The following TRPM4 variants were observed in gnomAD, a reference collection of about 807,000 sequenced individuals.
The protein encoded by TRPM4 is transient receptor potential cation channel subfamily M member 4, also known as calcium-activated non-selective cation channel 1.
In TRPM4, 124 loss-of-function variants were observed where a neutral mutation model predicts 135.6. That is an observed-to-expected ratio of 0.91 (90% CI 0.79 to 1.06). The LOEUF is 1.06. Among genes scored for constraint, TRPM4 ranks in the 50% least tolerant of loss-of-function variants. The probability of loss-of-function intolerance (pLI) is 0.00; values close to 1 mark genes in which losing one functional copy is unlikely to be tolerated. For synonymous variants in TRPM4, 745 were observed against 705.6 expected (o/e 1.06, Z -0.88); for missense variants, 1,658 against 1,671.4 (o/e 0.99, Z 0.14).
chr19:49,200,567 G>T (rs1352056511), intron 18 of TRPM4, 44 bp from the exon 19 acceptor site: 1 of 1,606,722 alleles, frequency 6.2e-7, no homozygotes, highest in African/African-American at 1.3e-5. Context: ...GGTGGGGCCA[G>T]AGTAGGAAAG....
chr19:49,166,215 T>A lies in TRPM4; in HGVS notation c.267T>A (p.Asn89Lys). 1 of 1,600,522 alleles carries A rather than the reference T, an allele frequency of 6.2e-7. No homozygotes were observed. The highest frequency in any genetic ancestry group is 8.5e-7 in the Non-Finnish European group (1 of 1,174,890). The change falls in exon 3 of 25, where the codon AAT becomes AAA. Residue 89 changes from asparagine to lysine, a missense_variant and splice_region_variant. Physicochemically the swap from Asn to Lys is moderately conservative, Grantham distance 94. This residue lies in a region of TRPM4 where 239 missense variants were observed against 240.1 expected (regional missense o/e 1.00). Transcript: ENST00000252826. ...DFTGAGRKHSNFLRLSDRTDP... is the reference protein window; with the variant it reads ...DFTGAGRKHSKFLRLSDRTDP... ...CGGGGGCCGGCCGCAAGCACAGCAATGTGAGGCGGGCCTCTGTGGGCGGGG... is the reference window on the plus strand; with the variant it reads ...CGGGGGCCGGCCGCAAGCACAGCAAAGTGAGGCGGGCCTCTGTGGGCGGGG...
In TRPM4 at chr19:49,166,184, A is replaced by G. The variant is rs766569634; in HGVS notation, c.236A>G (p.Asp79Gly). Residue 79 changes from aspartate to glycine, a missense_variant, in exon 3 of 25, where the codon GAC becomes GGC. Physicochemically the swap from Asp to Gly is moderately conservative, Grantham distance 94. Coordinates refer to ENST00000252826, the MANE Select transcript of TRPM4 (RefSeq NM_017636.4). ...CCCACCGATGCCTACGGAGAGCTGG[A>G]CTTCACGGGGGCCGGCCGCAAGCAC... ...EKPTDAYGEL[D>G]FTGAGRKHSN... 1.2e-6 allele frequency: 2 copies of G among 1,608,624 alleles called. No homozygotes were observed. The highest frequency in any genetic ancestry group is 2.2e-5 in the East Asian group (1 of 44,628).
intron 12 of TRPM4, among the ~76,000 whole-genome samples, chr19:49,186,548 G>C (rs910830918): frequency 6.6e-6 from 1 of 152,148 alleles, no homozygotes; most frequent in Non-Finnish European, 1.5e-5. Flanking sequence ...CCTTGCCTCA[G>C]ATGGATGTGG....
At chr19:49,165,227 C>G (rs1487712153) in intron 2 of TRPM4, among the ~76,000 whole-genome samples, 1 of 152,048 alleles carries the variant, frequency 6.6e-6, no homozygotes, top group Non-Finnish European at 1.5e-5. Context: ...CACACAGAAG[C>G]CAAAGACAAT....
At chr19:49,157,971 C>T in intron 1 of TRPM4, 81 bp downstream of exon 1, 1 of 1,473,250 alleles carries the variant, frequency 6.8e-7, no homozygotes, top group Middle Eastern at 2.0e-4. Flanking sequence ...GCGCTGGACA[C>T]CCAGATTCCT....
At position 49,182,734 on chromosome 19, in the gene TRPM4, C is replaced by A. The variant is rs780153810; in HGVS notation, c.1420C>A (p.Arg474Ser). 1.2e-6 allele frequency: 2 copies of A among 1,614,162 alleles called. No individual in the cohort carries two copies. The highest frequency in any genetic ancestry group is 1.7e-6 in the Non-Finnish European group (2 of 1,180,018). Residue 474 changes from arginine to serine, a missense_variant, in exon 11 of 25, where the codon CGC becomes AGC. Coordinates refer to ENST00000252826, the MANE Select transcript of TRPM4 (RefSeq NM_017636.4). ...YSAAPSNSLIRNLLDQASHSA... is the reference protein window; with the variant it reads ...YSAAPSNSLISNLLDQASHSA... ...CGCGGCGCCCTCCAACTCGCTCATC[C>A]GCAACCTTTTGGACCAGGCGTCCCA...
In TRPM4 at chr19:49,198,291, A is replaced by G. The variant is rs1226040857; in HGVS notation, c.2645+1417A>G. On this transcript the variant is annotated intron_variant, in intron 17 of 24. Transcript: ENST00000252826. ...ACCATGCTCTAGGATTGCCAGTGAT[A>G]TTTTGGACAGTTTATCAAGCCTACC... Among the ~76,000 whole-genome samples, 5 of 152,186 alleles carry G rather than the reference A, an allele frequency of 3.3e-5. No homozygotes were observed. In the East Asian group the frequency reaches 9.6e-4, roughly 29 times the overall value.
intron 3 of TRPM4, among the ~76,000 whole-genome samples, chr19:49,166,620 C>T (rs1159418542): frequency 1.4e-5 from 2 of 146,948 alleles, no homozygotes; most frequent in African/African-American, 5.0e-5. Flanking sequence ...CTCTGTCCCC[C>T]TCTCTCTCTG....
intron 9 of TRPM4, 123 bp from the exon 10 acceptor site, chr19:49,181,226 C>T: frequency 5.3e-6 from 4 of 754,774 alleles, no homozygotes; most frequent in Non-Finnish European, 9.4e-6. Context: ...CCACACTCTG[C>T]CCAGTAGCAA....
rs1316250898 is a variant in TRPM4, at chr19:49,183,187, A to G, written c.1718A>G (p.Gln573Arg). 1.2e-6 allele frequency: 2 copies of G among 1,614,156 alleles called. No homozygotes were observed. Among genetic ancestry groups the G allele is most frequent in the South Asian group, 2.2e-5 (2 of 91,080 alleles). The stretch of plus-strand genomic sequence containing the variant: ...TGGGCACTGTTGCTGAACAGGGCAC[A>G]GATGGCCATGTACTTCTGGGAGATG... ...LLWALLLNRA[Q>R]MAMYFWEMGS... Residue 573 changes from glutamine (Q) to arginine (R), a missense_variant, in exon 12 of 25, where the codon CAG (glutamine) becomes CGG (arginine). Gln to Arg is a conservative substitution (Grantham distance 43). Around this residue, in one of 3 missense-constraint regions of TRPM4, gnomAD observed 1,412 missense variants for 1,408.7 expected, o/e 1.00. Coordinates refer to ENST00000252826, the MANE Select transcript of TRPM4 (RefSeq NM_017636.4).
chr19:49,191,740 C>T (rs1232196159), intron 16 of TRPM4, among the ~76,000 whole-genome samples: 4 of 151,890 alleles, frequency 2.6e-5, no homozygotes, highest in South Asian at 2.1e-4. Context: ...CCTTGTGATC[C>T]GCCCGCCTCA....
chr19:49,163,005 G>A (rs148450998), intron 2 of TRPM4, among the ~76,000 whole-genome samples: 2,290 of 151,680 alleles, frequency 0.015, 22 homozygotes, highest in South Asian at 0.042. Flanking sequence ...CAGGTGATCC[G>A]CCCACCTTGG....
At position 49,210,560 on chromosome 19, in the gene TRPM4, G is replaced by T; in HGVS notation, c.3329-150G>T. The T allele has an allele frequency of 7.1e-7, 1 of 1,401,486 alleles. No homozygotes were observed. Among genetic ancestry groups the T allele is most frequent in the Non-Finnish European group, 9.9e-7 (1 of 1,006,620 alleles). The allele number at this position is 1,401,486 out of a possible 1,614,324, so 86.8% of individuals were successfully genotyped here. On this transcript the variant is annotated intron_variant, in intron 21 of 24. Transcript: ENST00000252826. The surrounding 1 kb of genome is among the most constrained non-coding windows in gnomAD (Gnocchi z 4.1). ...AAGGGGCGGAGCTTAAGCACTGAGG[G>T]GCAGTGCTTACGGGTGAGGGGCGGG...
chr19:49,183,092 G>T lies in TRPM4; in HGVS notation c.1623G>T (p.Ser541=), dbSNP rs1336464751. ...TTTGCTGGCAGATGTATCTGCTCTCGGACAAGGCCACCTCGCCGCTCTCGC... is the reference window on the plus strand; with the variant it reads ...TTTGCTGGCAGATGTATCTGCTCTCTGACAAGGCCACCTCGCCGCTCTCGC... ...QGFGESMYLL[S]DKATSPLSLD... Residue 541 remains serine (S), a synonymous_variant, in exon 12 of 25, where the codon TCG becomes TCT. Coordinates refer to ENST00000252826, the MANE Select transcript of TRPM4 (RefSeq NM_017636.4). 2 of 1,612,532 alleles carry T rather than the reference G, an allele frequency of 1.2e-6. No homozygotes were observed. The highest frequency in any genetic ancestry group is 2.2e-5 in the South Asian group (2 of 91,014).
chr19:49,167,626 T>A (rs1250038339), intron 3 of TRPM4: 1 of 294,550 alleles, frequency 3.4e-6, no homozygotes, highest in Non-Finnish European at 6.2e-6. Flanking sequence ...GTCCCATGTC[T>A]CTGGGTCTCT....
intron 10 of TRPM4, among the ~76,000 whole-genome samples, chr19:49,182,103 T>TCGATCCAC (rs1967961775): frequency 6.9e-6 from 1 of 145,168 alleles, no homozygotes; most frequent in South Asian, 2.3e-4. Flanking sequence ...TGTCCATCCA[T>TCGATCCAC]CCATCCATCC....
chr19:49,165,265 T>G (rs1967126760), intron 2 of TRPM4, among the ~76,000 whole-genome samples: 1 of 152,180 alleles, frequency 6.6e-6, no homozygotes, highest in African/African-American at 2.4e-5. Context: ...GTTTCCCTAC[T>G]CGCTAGATGG....
chr19:49,196,145 A>C (rs1297799633), intron 16 of TRPM4, among the ~76,000 whole-genome samples: 4 of 151,950 alleles, frequency 2.6e-5, no homozygotes, highest in Non-Finnish European at 5.9e-5. Context: ...GGCGTGAGCC[A>C]CCGCGCCCGA....
intron 2 of TRPM4, 87 bp downstream of exon 2, chr19:49,158,346 T>C: frequency 8.1e-7 from 1 of 1,241,530 alleles, no homozygotes; most frequent in Non-Finnish European, 1.2e-6. Flanking sequence ...CCCTGCTCCT[T>C]CCCCATTCCT....
Sources: allele counts gnomAD v4.1 joint callset (sites outside exome capture counted in the v4.1 genomes callset), GRCh38; gene constraint gnomAD v4.1.1; regional missense constraint gnomAD v4.1.1; non-coding constraint Gnocchi (gnomAD v3.1); transcripts MANE v1.5; gene names NCBI Gene and HGNC (gene_info 2026-07-23, HGNC 2026-07-21).